PELP1: variants seen among roughly 807,000 people sequenced by gnomAD.
The protein encoded by PELP1 is proline, glutamate and leucine rich protein 1, also known as proline-, glutamic acid- and leucine-rich protein 1.
PELP1 carries 32 observed loss-of-function variants against 95.5 expected under a neutral mutation model. The ratio of observed to expected loss-of-function variants is 0.34; its 90% CI spans 0.25 to 0.45. The LOEUF (loss-of-function observed/expected upper bound fraction) is 0.45, where lower values mean the gene tolerates loss of function less well. Among genes scored for constraint, PELP1 ranks in the 20% least tolerant of loss-of-function variants. The pLI is 1.00. For missense variants in PELP1, 1,358 were observed against 1,444.8 expected (o/e 0.94, Z 0.97); for synonymous variants, 668 against 600.1 (o/e 1.11, Z -1.65).
intron 3 of PELP1, among the ~76,000 whole-genome samples, chr17:4,689,332 G>C (rs1417208661): frequency 1.3e-5 from 2 of 152,144 alleles, no homozygotes; most frequent in South Asian, 2.1e-4. Flanking sequence ...AAGATAAATA[G>C]ATGGGACTTA....
At chr17:4,679,620 G>A (rs1156988691) in intron 5 of PELP1, among the ~76,000 whole-genome samples, 1 of 152,160 alleles carries the variant, frequency 6.6e-6, no homozygotes, top group African/African-American at 2.4e-5. Flanking sequence ...GGGACAAACT[G>A]CTGGCCTGTG....
Position 4,671,200 on chromosome 17 carries a change from C to G in PELP1, c.*239G>C. The G allele has an allele frequency of 3.6e-6, 2 of 557,828 alleles. No individual in the cohort carries two copies. The highest frequency in any genetic ancestry group is 3.2e-6 in the Non-Finnish European group (1 of 313,396). The allele number at this position is 557,828 out of a possible 1,614,324, so 34.6% of individuals were successfully genotyped here. The stretch of plus-strand genomic sequence containing the variant: ...AGCATCCAGCCAGAATCCTACAATT[C>G]TGACACCATCGTGCTGAGTGATGGG... On this transcript the variant is annotated 3_prime_UTR_variant, in exon 17 of 17. Coordinates refer to ENST00000572293, the MANE Select transcript of PELP1 (RefSeq NM_014389.3).
At chr17:4,690,249 T>C (rs1411809511) in intron 3 of PELP1, among the ~76,000 whole-genome samples, 1 of 152,076 alleles carries the variant, frequency 6.6e-6, no homozygotes, top group Non-Finnish European at 1.5e-5. Flanking sequence ...ATAAAAATGA[T>C]ATAATGAACT....
intron 3 of PELP1, among the ~76,000 whole-genome samples, chr17:4,687,571 GTT>G (rs1232488484): frequency 6.6e-6 from 1 of 151,326 alleles, no homozygotes; most frequent in Non-Finnish European, 1.5e-5. Context: ...ATGGGTGCCT[GTT>G]TTTGCATGGC....
At chr17:4,698,144 G>T in intron 1 of PELP1, among the ~76,000 whole-genome samples, 1 of 151,592 alleles carries the variant, frequency 6.6e-6, no homozygotes, top group Non-Finnish European at 1.5e-5. Context: ...ACAGGCATGA[G>T]CCACTGCACC....
chr17:4,704,085 G>C lies in PELP1; in HGVS notation c.27C>G (p.Pro9=), dbSNP rs540816588. 5.0e-6 allele frequency: 8 copies of C among 1,610,666 alleles called. No individual in the cohort carries two copies. Among genetic ancestry groups the C allele is most frequent in the Admixed American group, 3.3e-5 (2 of 59,930 alleles). ...GAACCCCAGCCGCGGAGCCCGCAGAGGGCCCACTCAGAACGGCTGCCGCCA... is the reference window on the plus strand; with the variant it reads ...GAACCCCAGCCGCGGAGCCCGCAGACGGCCCACTCAGAACGGCTGCCGCCA... MAAAVLSG[P]SAGSAAGVPG... Residue 9 remains proline, a synonymous_variant, in exon 1 of 17, where the codon CCC becomes CCG. Coordinates refer to ENST00000572293, the MANE Select transcript of PELP1 (RefSeq NM_014389.3).
chr17:4,691,757 T>G, intron 1 of PELP1: 2 of 338,178 alleles, frequency 5.9e-6, no homozygotes, highest in Non-Finnish European at 1.1e-5. Flanking sequence ...CACCTCTATA[T>G]GTCTGGGCAG....
intron 1 of PELP1, among the ~76,000 whole-genome samples, chr17:4,701,327 G>GC (rs1381015520): frequency 6.6e-6 from 1 of 151,420 alleles, no homozygotes; most frequent in Non-Finnish European, 1.5e-5. Flanking sequence ...TGAGAGTTGG[G>GC]GGGGTGGGGG....
intron 1 of PELP1, among the ~76,000 whole-genome samples, chr17:4,695,058 C>A (rs1015874412): frequency 6.0e-5 from 9 of 149,640 alleles, no homozygotes; most frequent in Non-Finnish European, 1.0e-4. Flanking sequence ...CACCGTGGCT[C>A]ATGCCTGTAA....
rs766923531 is a variant in PELP1 at position 4,682,969 on chromosome 17, T to C, written c.421-17A>G. The C allele has an allele frequency of 2.1e-5, 31 of 1,458,786 alleles. No individual in the cohort carries two copies. The South Asian group carries it at 4.1e-4, about 19-fold the overall frequency. The allele number at this position is 1,458,786 out of a possible 1,614,324, so 90.4% of individuals were successfully genotyped here. A position where few individuals can be genotyped will look rare whatever the true frequency, so the allele number is the denominator to read the frequency against. On this transcript the variant is annotated splice_polypyrimidine_tract_variant and intron_variant, in intron 3 of 16. Transcript: ENST00000572293. ...GTCCTGGGTCTAAAGAAAAAAATAATGTCTCGTGCTTCCAGCCTCACCTTG... is the reference window on the plus strand; with the variant it reads ...GTCCTGGGTCTAAAGAAAAAAATAACGTCTCGTGCTTCCAGCCTCACCTTG...
At chr17:4,682,455 G>A (rs1195936205) in intron 5 of PELP1, 47 bp downstream of exon 5, 1 of 1,229,916 alleles carries the variant, frequency 8.1e-7, no homozygotes, top group South Asian at 1.2e-5. Flanking sequence ...TGAGGTAAGA[G>A]CTCTCAACGC....
Position 4,673,101 on chromosome 17 carries a change from C to G in PELP1, c.1890G>C (p.Leu630=). The G allele has an allele frequency of 6.6e-7, 1 of 1,520,518 alleles. No homozygotes were observed. The highest frequency in any genetic ancestry group is 8.8e-7 in the Non-Finnish European group (1 of 1,136,186). 94.2% of individuals were successfully genotyped at this position (1,520,518 alleles called of 1,614,324 possible). A position where few individuals can be genotyped will look rare whatever the true frequency, so the allele number is the denominator to read the frequency against. ...GCAGGGGAGGAACCCGGGGGTGGGT[C>G]AGAGCAGCACAGGTCACCAGTGCTT... ...CSEALVTCAA[L]THPRVPPLQP... The change falls in exon 16 of 17, where the codon CTG becomes CTC. Residue 630 remains leucine (L), a synonymous_variant. Transcript: ENST00000572293. This position sits in a 1 kb window ranked among gnomAD's most constrained non-coding sequence, Gnocchi z 5.7.
rs946820749 is a variant in PELP1, at chr17:4,673,562, A to G, written c.1638+57T>C. On this transcript the variant is annotated intron_variant, in intron 14 of 16. Transcript: ENST00000572293. This position sits in a 1 kb window ranked among gnomAD's most constrained non-coding sequence, Gnocchi z 5.7. ...ACCCACCTCTGGGCCACACCCCCCA[A>G]TGTGTACAGAGCAGGGGCCCCTTCC... 31 of 1,577,598 alleles carry G rather than the reference A, an allele frequency of 2.0e-5. No individual in the cohort carries two copies. The highest frequency in any genetic ancestry group is 1.1e-4 in the African/African-American group (8 of 74,158).
rs747032131 is a variant in PELP1, at chr17:4,672,432, C to T, written c.2559G>A (p.Val853=). The change falls in exon 16 of 17, where the codon GTG becomes GTA. Residue 853 remains valine (V), a synonymous_variant. Transcript: ENST00000572293. ...PPPPPPVPGP[V]TLPPPQLVPE... is the part of the protein sequence containing the mutation. ...GGACCAACTGGGGTGGAGGGAGCGTCACAGGACCAGGAACAGGCGGCGGCG... is the reference window on the plus strand; with the variant it reads ...GGACCAACTGGGGTGGAGGGAGCGTTACAGGACCAGGAACAGGCGGCGGCG... The T allele has an allele frequency of 6.4e-7, 1 of 1,570,912 alleles. No individual in the cohort carries two copies. The highest frequency in any genetic ancestry group is 2.3e-5 in the East Asian group (1 of 43,308).
intron 3 of PELP1, among the ~76,000 whole-genome samples, chr17:4,684,319 T>C (rs1243379944): frequency 2.6e-5 from 4 of 152,310 alleles, no homozygotes; most frequent in African/African-American, 4.8e-5. Context: ...TCCAAATCGC[T>C]ACTTCTCCCA....
intron 5 of PELP1, among the ~76,000 whole-genome samples, chr17:4,681,017 T>TA (rs1912663919): frequency 6.6e-6 from 1 of 152,222 alleles, no homozygotes; most frequent in Non-Finnish European, 1.5e-5. Context: ...TCTGACCTAC[T>TA]AAGGCTCTTT....
intron 13 of PELP1, 85 bp downstream of exon 13, chr17:4,674,425 G>T: frequency 7.8e-7 from 1 of 1,277,376 alleles, no homozygotes; most frequent in Non-Finnish European, 1.1e-6. Context: ...TTCACCTAAG[G>T]GTATAGTAGG....
At chr17:4,683,422 A>G (rs9892582) in intron 3 of PELP1, among the ~76,000 whole-genome samples, 8,106 of 150,848 alleles carry the variant, frequency 0.054, 460 homozygotes, top group East Asian at 0.22. Flanking sequence ...GGGTTTCACT[A>G]TGTTAGCCAG....
chr17:4,695,740 A>G (rs1259974597), intron 1 of PELP1, among the ~76,000 whole-genome samples: 2 of 148,110 alleles, frequency 1.4e-5, no homozygotes, highest in Non-Finnish European at 3.0e-5. Context: ...GCACTTGGGG[A>G]GGCCAAGGTG....
Sources: gnomAD v4.1 joint callset for allele counts (sites outside exome capture counted in the v4.1 genomes callset) on GRCh38, gnomAD v4.1.1 for gene constraint, Gnocchi (gnomAD v3.1) non-coding constraint, MANE v1.5 for transcripts, NCBI Gene and HGNC (gene_info 2026-07-23, HGNC 2026-07-21) for gene names.